TERT: variants seen among roughly 807,000 people sequenced by gnomAD.
The protein encoded by TERT is telomerase catalytic subunit.
Under a neutral mutation model 104.0 loss-of-function variants are expected in TERT, and 42 were observed. The ratio of observed to expected loss-of-function variants is 0.40; its 90% CI spans 0.32 to 0.52. The LOEUF is 0.52. Ranked by LOEUF, TERT falls within the 20% of genes least tolerant of loss-of-function variation. TERT has a pLI of 0.43. For missense variants in TERT, 1,101 were observed against 1,610.3 expected, an observed-to-expected ratio of 0.68 and a Z score of 5.41; for synonymous variants, 781 against 725.6, an observed-to-expected ratio of 1.08 and a Z score of -1.23.
chr5:1,266,386 A>C, intron 10 of TERT, 78 bp downstream of exon 10: 1 of 1,256,962 alleles, frequency 8.0e-7, no homozygotes, highest in Non-Finnish European at 1.1e-6. Flanking sequence ...CTGCGGTGCC[A>C]GGGGCAGGAC....
In TERT at chr5:1,294,554, G is replaced by T; in HGVS notation, c.332C>A (p.Pro111His). The T allele has an allele frequency of 6.3e-7, 1 of 1,578,890 alleles. No individual in the cohort carries two copies. The highest frequency in any genetic ancestry group is 8.5e-7 in the Non-Finnish European group (1 of 1,170,266). Reference sequence around the variant, plus strand: ...CACGCTGGTGGTGAAGGCCTCGGGGGGGCCCCCGCGGGCCCCGTCCAGCAG... The same window carrying T: ...CACGCTGGTGGTGAAGGCCTCGGGGTGGCCCCCGCGGGCCCCGTCCAGCAG... ...FALLDGARGG[P>H]PEAFTTSVRS... is the part of the protein sequence containing the mutation. Residue 111 changes from proline to histidine, a missense_variant, in exon 2 of 16, where the codon CCC becomes CAC. Pro to His is a moderately conservative substitution (Grantham distance 77). This residue lies in a region of TERT where 47 missense variants were observed against 105.3 expected (regional missense o/e 0.45). Transcript: ENST00000310581.
At chr5:1,282,242 C>G (rs370041541) in intron 3 of TERT, among the ~76,000 whole-genome samples, 187 bp downstream of exon 3, 2 of 152,226 alleles carry the variant, frequency 1.3e-5, no homozygotes, top group African/African-American at 4.8e-5. Context: ...AGTAAGAGAA[C>G]GTGAGCTCCA....
At position 1,292,868 on chromosome 5, in the gene TERT, C is replaced by A. The variant is rs2853672; in HGVS notation, c.1573+445G>T. 0.49 allele frequency among the ~76,000 whole-genome samples: 74,628 copies of A among 152,032 alleles called. 18,486 individuals are homozygous for A. The highest frequency in any genetic ancestry group is 0.58 in the Admixed American group (8,939 of 15,286). On this transcript the variant is annotated intron_variant, in intron 2 of 15. Transcript: ENST00000310581. The surrounding 1 kb of genome is among the most constrained non-coding windows in gnomAD (Gnocchi z 5.5). ...CCTGCATATTGGCTGACCACGTGCA[C>A]CTGCAAAACCCTTACCTCCCACCCC...
intron 4 of TERT, among the ~76,000 whole-genome samples, chr5:1,279,845 G>A (rs376068364): frequency 2.0e-5 from 3 of 152,286 alleles, no homozygotes; most frequent in South Asian, 2.1e-4. Flanking sequence ...GGAAGCGCAC[G>A]GAGGCTGCGC....
rs1277450725 is a variant in TERT at position 1,266,487 on chromosome 5, G to A, written c.2631C>T (p.Leu877=). 6.2e-7 allele frequency: 1 copy of A among 1,610,196 alleles called. No individual in the cohort carries two copies. Among genetic ancestry groups the A allele is most frequent in the African/African-American group, 1.3e-5 (1 of 75,014 alleles). ...ACCTGAGGAAGGTTTTCGCGTGGGT[G>A]AGGTGAGGTGTCACCAACAAGAAAT... ...VDDFLLVTPH[L]THAKTFLRTL... Residue 877 remains leucine, a synonymous_variant, in exon 10 of 16, where the codon CTC becomes CTT. Coordinates refer to ENST00000310581, the MANE Select transcript of TERT (RefSeq NM_198253.3).
intron 2 of TERT, among the ~76,000 whole-genome samples, chr5:1,291,658 C>G (rs536649180): frequency 6.7e-6 from 1 of 149,528 alleles, no homozygotes; most frequent in South Asian, 2.2e-4. Flanking sequence ...ACCTCAATCA[C>G]GCTGCACGGG....
chr5:1,266,811 C>T (rs1459611212), intron 9 of TERT, among the ~76,000 whole-genome samples: 1 of 152,234 alleles, frequency 6.6e-6, no homozygotes, highest in East Asian at 1.9e-4. Flanking sequence ...AGGCGCGGCC[C>T]CACTTCTCAG....
At position 1,270,549 on chromosome 5, in the gene TERT, G is replaced by A. The variant is rs1053980949; in HGVS notation, c.2468+570C>T. Among the ~76,000 whole-genome samples the A allele has an allele frequency of 6.6e-5, 10 of 152,244 alleles. No individual in the cohort carries two copies. The highest frequency in any genetic ancestry group is 1.7e-4 in the African/African-American group (7 of 41,536). On this transcript the variant is annotated intron_variant, in intron 8 of 15. Coordinates refer to ENST00000310581, the MANE Select transcript of TERT (RefSeq NM_198253.3). This position sits in a 1 kb window ranked among gnomAD's most constrained non-coding sequence, Gnocchi z 8.3. ...GTGGCTCACCCAGTGGCTGTGTGACGGCAGCTCTCCCAGGCCGCCTGCCCC... is the reference window on the plus strand; with the variant it reads ...GTGGCTCACCCAGTGGCTGTGTGACAGCAGCTCTCCCAGGCCGCCTGCCCC...
intron 2 of TERT, among the ~76,000 whole-genome samples, chr5:1,283,527 G>A (rs547637424): frequency 1.0e-3 from 147 of 146,468 alleles, no homozygotes; most frequent in Non-Finnish European, 1.5e-3. Flanking sequence ...GCAGGGCCTG[G>A]CGACCTCACC....
chr5:1,294,148 C>T lies in TERT; in HGVS notation c.738G>A (p.Pro246=), dbSNP rs111527543. The T allele has an allele frequency of 6.3e-7, 1 of 1,581,316 alleles. No individual in the cohort carries two copies. The highest frequency in any genetic ancestry group is 2.3e-5 in the East Asian group (1 of 42,852). The change falls in exon 2 of 16, where the codon CCG becomes CCA. Residue 246 remains proline (P), a synonymous_variant. Coordinates refer to ENST00000310581, the MANE Select transcript of TERT (RefSeq NM_198253.3). ...KRPRRGAAPE[P]ERTPVGQGSW... is the part of the protein sequence containing the mutation. Reference sequence around the variant, plus strand: ...ACCCCTGCCCAACGGGCGTCCGCTCCGGCTCAGGGGCAGCGCCACGCCTGG... The same window carrying T: ...ACCCCTGCCCAACGGGCGTCCGCTCTGGCTCAGGGGCAGCGCCACGCCTGG...
At chr5:1,291,396 G>A (rs1293915898) in intron 2 of TERT, among the ~76,000 whole-genome samples, 1 of 67,336 alleles carries the variant, frequency 1.5e-5, no homozygotes, top group Non-Finnish European at 2.8e-5. Flanking sequence ...CGGGGACAGC[G>A]CCTCACTCAC....
rs1554041994 is a variant in TERT at position 1,287,508 on chromosome 5, A to AAAAAT, written c.1574-4885_1574-4884insATTTT. ...CCAAGACTCTGTCTCAAAAAAAAAA[A>AAAAAT]ATATATATATATATATATAAATTAA... On this transcript the variant is annotated intron_variant, in intron 2 of 15. Coordinates refer to ENST00000310581, the MANE Select transcript of TERT (RefSeq NM_198253.3). This position sits in a 1 kb window ranked among gnomAD's most constrained non-coding sequence, Gnocchi z 4.3. 5.9e-4 allele frequency among the ~76,000 whole-genome samples: 83 copies of AAAAAT among 140,712 alleles called. 1 individual carries two copies. The highest frequency in any genetic ancestry group is 2.1e-3 in the African/African-American group (78 of 36,878). 92.3% of individuals were successfully genotyped at this position (140,712 alleles called of 152,430 possible).
intron 7 of TERT, 52 bp downstream of exon 7, chr5:1,272,133 G>T: frequency 7.0e-7 from 1 of 1,419,930 alleles, no homozygotes; most frequent in Middle Eastern, 1.9e-4. Context: ...TTGCCCAGGG[G>T]AGGACCCACT....
chr5:1,282,814 T>A, intron 2 of TERT, 190 bp from the exon 3 acceptor site: 1 of 649,006 alleles, frequency 1.5e-6, no homozygotes, highest in Non-Finnish European at 2.7e-6. Context: ...ACCTGCACCA[T>A]TCGGACACGG....
In TERT at chr5:1,287,149, T is replaced by C. The variant is rs1257593677; in HGVS notation, c.1574-4525A>G. ...GTTAAACAACGACTGTCAGACTGGA[T>C]TGGAAATTCACCTACATGCTGTTAA... On this transcript the variant is annotated intron_variant, in intron 2 of 15. Coordinates refer to ENST00000310581, the MANE Select transcript of TERT (RefSeq NM_198253.3). The surrounding 1 kb of genome is among the most constrained non-coding windows in gnomAD (Gnocchi z 4.3). Among the ~76,000 whole-genome samples, 7 of 151,992 alleles carry C rather than the reference T, an allele frequency of 4.6e-5. No homozygotes were observed. Among genetic ancestry groups the C allele is most frequent in the Admixed American group, 3.3e-4 (5 of 15,260 alleles).
chr5:1,275,677 A>G (rs1579570392), intron 6 of TERT, among the ~76,000 whole-genome samples: 1 of 152,102 alleles, frequency 6.6e-6, no homozygotes, highest in Non-Finnish European at 1.5e-5. Flanking sequence ...CACTACAGGA[A>G]GAAAGCTCGC....
rs1060503013 is a variant in TERT at position 1,294,844 on chromosome 5, G to C, written c.146C>G (p.Ala49Gly). ...GCACACCAGGCACTGGGCCACCAGCGCGCGGAAAGCCGCCGGGTCCCCGCG... is the reference window on the plus strand; with the variant it reads ...GCACACCAGGCACTGGGCCACCAGCCCGCGGAAAGCCGCCGGGTCCCCGCG... ...VQRGDPAAFR[A>G]LVAQCLVCVP... The change falls in exon 1 of 16, where the codon GCG becomes GGG. Residue 49 changes from alanine to glycine, a missense_variant. This residue lies in a region of TERT where 87 missense variants were observed against 145.4 expected (regional missense o/e 0.60). Coordinates refer to ENST00000310581, the MANE Select transcript of TERT (RefSeq NM_198253.3). The C allele has an allele frequency of 1.4e-6, 2 of 1,460,184 alleles. No homozygotes were observed. Among genetic ancestry groups the C allele is most frequent in the Admixed American group, 2.6e-5 (1 of 38,950 alleles). 90.5% of individuals were successfully genotyped at this position (1,460,184 alleles called of 1,614,324 possible). A position where few individuals can be genotyped will look rare whatever the true frequency, so the allele number is the denominator to read the frequency against.
chr5:1,290,932 C>A (rs71575538), intron 2 of TERT, among the ~76,000 whole-genome samples: 2 of 45,228 alleles, frequency 4.4e-5, no homozygotes, highest in Non-Finnish European at 4.4e-5. Context: ...ACCCGGGGGC[C>A]GTGCCTCACT....
In TERT at chr5:1,272,085, C is replaced by T. The variant is rs1749080215; in HGVS notation, c.2382+100G>A. 7 of 1,056,654 alleles carry T rather than the reference C, an allele frequency of 6.6e-6. No individual in the cohort carries two copies. The East Asian group carries it at 1.0e-4, about 16-fold the overall frequency. The allele number at this position is 1,056,654 out of a possible 1,614,324, so 65.5% of individuals were successfully genotyped here. A position where few individuals can be genotyped will look rare whatever the true frequency, so the allele number is the denominator to read the frequency against. On this transcript the variant is annotated intron_variant, in intron 7 of 15. Coordinates refer to ENST00000310581, the MANE Select transcript of TERT (RefSeq NM_198253.3). ...TCACAGCTCATTCCCCCCACTGCCC[C>T]CCAGGGCCAACAGTCTGTCCGGTCA...
Sources: allele counts gnomAD v4.1 joint callset (sites outside exome capture counted in the v4.1 genomes callset), GRCh38; gene constraint gnomAD v4.1.1; regional missense constraint gnomAD v4.1.1; non-coding constraint Gnocchi (gnomAD v3.1); transcripts MANE v1.5; gene names NCBI Gene and HGNC (gene_info 2026-07-23, HGNC 2026-07-21).